The following ACYP1 variants were observed in gnomAD, a reference collection of about 807,000 sequenced individuals.
ACYP1 encodes acylphosphatase 1.
Under a neutral mutation model 10.4 loss-of-function variants are expected in ACYP1, and 8 were observed. That is an observed-to-expected ratio of 0.77 (90% CI 0.45 to 1.38). The LOEUF (loss-of-function observed/expected upper bound fraction) is 1.38. ACYP1 is among the 40% of genes most tolerant of loss of function. ACYP1 has a pLI of 0.00. For missense variants in ACYP1, 93 were observed against 117.3 expected, an observed-to-expected ratio of 0.79 and a Z score of 0.96; for synonymous variants, 38 against 40.8, an observed-to-expected ratio of 0.93 and a Z score of 0.26.
Position 75,059,412 on chromosome 14 carries a change from A to G in ACYP1, c.84+4058T>C, listed in dbSNP as rs1271777843. On this transcript the variant is annotated intron_variant, in intron 2 of 2. Transcript: ENST00000238618. ...TGGATTAGGAAGATTTCTTAGATAT[A>G]ACACTAAAAGTGCAAGCAAAAAAAG... Among the ~76,000 whole-genome samples the G allele has an allele frequency of 3.9e-5, 6 of 152,284 alleles. No homozygotes were observed. In the East Asian group the frequency reaches 1.2e-3, roughly 29 times the overall value.
At chr14:75,059,912 T>G in intron 2 of ACYP1, 1 of 207,126 alleles carries the variant, frequency 4.8e-6, no homozygotes, top group Non-Finnish European at 9.6e-6. Context: ...CTAGAGCAGT[T>G]GAATTAATAG....
At chr14:75,061,718 G>C in intron 2 of ACYP1, 1 of 1,593,414 alleles carries the variant, frequency 6.3e-7, no homozygotes, top group Non-Finnish European at 8.6e-7. Flanking sequence ...CTGGAACACA[G>C]CTCTTGCTGT....
upstream of ACYP1, among the ~76,000 whole-genome samples, chr14:75,065,155 C>T (rs1160243612): frequency 2.0e-5 from 3 of 152,204 alleles, no homozygotes; most frequent in African/African-American, 4.8e-5. Context: ...GATGTGTAAA[C>T]ATTTGAATCC....
chr14:75,058,273 AC>A, intron 2 of ACYP1, among the ~76,000 whole-genome samples: 1 of 150,772 alleles, frequency 6.6e-6, no homozygotes. Flanking sequence ...ACACGGTGAA[AC>A]CCTGTGTCTA....
upstream of ACYP1, among the ~76,000 whole-genome samples, chr14:75,065,485 C>T (rs1259391249): frequency 1.3e-5 from 2 of 152,162 alleles, no homozygotes; most frequent in African/African-American, 4.8e-5. Flanking sequence ...AATAGAGTAT[C>T]TTGCTAATGG....
chr14:75,063,697 T>A, intron 1 of ACYP1, 136 bp from the exon 2 acceptor site: 2 of 759,652 alleles, frequency 2.6e-6, no homozygotes, highest in Non-Finnish European at 4.2e-6. Flanking sequence ...GTCCTGGAAA[T>A]GGAAACGTGA....
chr14:75,066,339 AATATAG>A (rs1386370780), upstream of ACYP1, among the ~76,000 whole-genome samples: 2 of 151,886 alleles, frequency 1.3e-5, no homozygotes, highest in South Asian at 2.1e-4. Context: ...GTACACTGCA[AATATAG>A]ATATAATTTT....
chr14:75,063,948 G>A lies in ACYP1; in HGVS notation c.-9+6C>T. ...AAGCACACCCTGGGGGCCCCTGGCG[G>A]CTCACCCTCCTTGTCTTCCCCACCG... On this transcript the variant is annotated splice_donor_region_variant and intron_variant, in intron 1 of 2. Transcript: ENST00000238618. The A allele has an allele frequency of 1.0e-6, 1 of 1,000,932 alleles. No individual in the cohort carries two copies. Among genetic ancestry groups the A allele is most frequent in the Non-Finnish European group, 1.2e-6 (1 of 838,470 alleles). The allele number at this position is 1,000,932 out of a possible 1,614,324, so 62.0% of individuals were successfully genotyped here.
intron 2 of ACYP1, among the ~76,000 whole-genome samples, chr14:75,062,251 T>A (rs559072601): frequency 4.2e-5 from 6 of 144,284 alleles, no homozygotes; most frequent in African/African-American, 1.6e-4. Context: ...CTGGGCAACA[T>A]AGCTCTCTGT....
exon 1 of ACYP1, chr14:75,069,467 T>G: frequency 1.9e-6 from 1 of 525,104 alleles, no homozygotes; most frequent in Non-Finnish European, 3.2e-6. Flanking sequence ...TGGACCGAGC[T>G]GCAGAGTTGG....
intron 2 of ACYP1, among the ~76,000 whole-genome samples, chr14:75,059,198 A>AG (rs1392821567): frequency 8.3e-5 from 12 of 145,016 alleles, no homozygotes; most frequent in Non-Finnish European, 1.5e-4. Context: ...AAAAAAAAAA[A>AG]GGAAAAGAAA....
intron 2 of ACYP1, among the ~76,000 whole-genome samples, chr14:75,057,602 A>G (rs1892906177): frequency 6.6e-6 from 1 of 151,452 alleles, no homozygotes; most frequent in Non-Finnish European, 1.5e-5. Flanking sequence ...AACTTACTAC[A>G]AAGCTGCAGT....
At chr14:75,054,476 A>C (rs1003629956) in intron 2 of ACYP1, among the ~76,000 whole-genome samples, 1 of 151,584 alleles carries the variant, frequency 6.6e-6, no homozygotes, top group African/African-American at 2.4e-5. Flanking sequence ...GAAAGGTAGC[A>C]ATGTTTTGGA....
chr14:75,069,248 G>A (rs894321447), exon 1 of ACYP1: 4 of 1,495,140 alleles, frequency 2.7e-6, no homozygotes, highest in Admixed American at 2.3e-5. Flanking sequence ...GCGGAGAAAG[G>A]CCAGCAGCAG....
upstream of ACYP1, among the ~76,000 whole-genome samples, chr14:75,068,682 TAG>T (rs1198243508): frequency 6.7e-6 from 1 of 150,138 alleles, no homozygotes; most frequent in African/African-American, 2.5e-5. Context: ...GGAGAGGCGG[TAG>T]AGTCAACTAG....
chr14:75,060,197 G>A, intron 2 of ACYP1: 1 of 640,678 alleles, frequency 1.6e-6, no homozygotes, highest in Non-Finnish European at 2.8e-6. Flanking sequence ...TTTTTTTAAT[G>A]TGGTTTAGTT....
intron 2 of ACYP1, among the ~76,000 whole-genome samples, chr14:75,061,913 C>A (rs904366674): frequency 3.3e-5 from 5 of 151,788 alleles, no homozygotes; most frequent in African/African-American, 1.2e-4. Context: ...ACCAGCCTGA[C>A]CAACATGGAA....
Position 75,053,452 on chromosome 14 carries a change from C to A in ACYP1, c.292G>T (p.Val98Leu), listed in dbSNP as rs369503053. Residue 98 changes from valine (V) to leucine (L), a missense_variant, in exon 3 of 3, where the codon GTA becomes TTA. Physicochemically the swap from Val to Leu is conservative, Grantham distance 32. Transcript: ENST00000238618. ...AACTTAAATTCAGGCCATTATTTTA[C>A]AATTTGGAAGTCTGAGTAATCCAAC... The part of the protein sequence containing the change: ...LKLDYSDFQI[V>L]K 1.2e-6 allele frequency: 2 copies of A among 1,613,912 alleles called. No homozygotes were observed. Among genetic ancestry groups the A allele is most frequent in the Non-Finnish European group, 1.7e-6 (2 of 1,179,946 alleles).
chr14:75,062,734 G>A (rs1893059062), intron 2 of ACYP1, among the ~76,000 whole-genome samples: 1 of 151,520 alleles, frequency 6.6e-6, no homozygotes, highest in African/African-American at 2.4e-5. Flanking sequence ...ACACTGGGAA[G>A]GCAATAGCCA....
Sources: gnomAD v4.1 joint callset for allele counts (sites outside exome capture counted in the v4.1 genomes callset) on GRCh38, gnomAD v4.1.1 for gene constraint, MANE v1.5 for transcripts, NCBI Gene and HGNC (gene_info 2026-07-23, HGNC 2026-07-21) for gene names.